KAZN: variants seen among roughly 807,000 people sequenced by gnomAD.
The protein encoded by KAZN is kazrin, periplakin interacting protein.
In KAZN, 40 loss-of-function variants were observed where a neutral mutation model predicts 87.4. That is an observed-to-expected ratio of 0.46 (90% confidence interval 0.36 to 0.60). The LOEUF is 0.60. Ranked by LOEUF, KAZN falls within the 20% of genes least tolerant of loss-of-function variation. KAZN has a pLI of 0.00. For missense variants in KAZN, 898 were observed against 1,073.9 expected, an observed-to-expected ratio of 0.84 and a Z score of 2.29; for synonymous variants, 466 against 458.3, an observed-to-expected ratio of 1.02 and a Z score of -0.22.
intron 2 of KAZN, among the ~76,000 whole-genome samples, chr1:14,417,969 C>A (rs772459293): frequency 1.7e-5 from 2 of 119,130 alleles, no homozygotes; most frequent in Non-Finnish European, 3.2e-5. Flanking sequence ...GCACTCCAGG[C>A]TGGGCGACAG....
At chr1:14,681,134 T>A (rs1348703599) in intron 1 of KAZN, among the ~76,000 whole-genome samples, 1 of 152,144 alleles carries the variant, frequency 6.6e-6, no homozygotes. Flanking sequence ...TCCTGAGGGA[T>A]CCGCCCCCAT....
At chr1:14,527,498 G>C (rs573525716) in intron 2 of KAZN, among the ~76,000 whole-genome samples, 1 of 148,348 alleles carries the variant, frequency 6.7e-6, no homozygotes, top group East Asian at 2.0e-4. Flanking sequence ...GCAGTGAGCT[G>C]AGACCATGCC....
chr1:13,988,971 A>C (rs76611695), intron 1 of KAZN, among the ~76,000 whole-genome samples: 2,802 of 152,258 alleles, frequency 0.018, 49 homozygotes, highest in South Asian at 0.067. Flanking sequence ...AATTTACAAA[A>C]AACAGAAATC....
chr1:15,025,778 G>A (rs780910554), intron 2 of KAZN, among the ~76,000 whole-genome samples: 8 of 152,156 alleles, frequency 5.3e-5, no homozygotes, highest in South Asian at 2.1e-4. Flanking sequence ...TTGGCTGCGC[G>A]AGCCGGTCAA....
At chr1:14,166,631 AAG>A (rs1645832865) in intron 1 of KAZN, among the ~76,000 whole-genome samples, 1 of 152,206 alleles carries the variant, frequency 6.6e-6, no homozygotes, top group Non-Finnish European at 1.5e-5. Flanking sequence ...GAGTAAATAA[AAG>A]TTATTGGTAT....
chr1:14,070,886 C>T (rs577075352), intron 1 of KAZN, among the ~76,000 whole-genome samples: 4 of 152,192 alleles, frequency 2.6e-5, no homozygotes, highest in South Asian at 4.2e-4. Context: ...ATACTCAAAT[C>T]GAGGTATCGT....
rs569605315 is a variant in KAZN, at chr1:14,942,636, C to A, written c.227-18048C>A. On this transcript the variant is annotated intron_variant, in intron 1 of 14. Coordinates refer to ENST00000376030, the MANE Select transcript of KAZN (RefSeq NM_201628.3). Reference sequence around the variant, plus strand: ...AAAAACATGTTTTGGCATGAAAGCACCTCTGGCCAGGAGACTGTAGTCCTA... The same window carrying A: ...AAAAACATGTTTTGGCATGAAAGCAACTCTGGCCAGGAGACTGTAGTCCTA... 1.1e-4 allele frequency among the ~76,000 whole-genome samples: 16 copies of A among 152,322 alleles called. No homozygotes were observed. In the South Asian group the frequency reaches 2.5e-3, roughly 24 times the overall value.
rs147681945 is a variant in KAZN, at chr1:14,115,494, TTGC to T, written c.92-64936_92-64934del. ...CTTTCCCTGCACAAGCTTCTTCTCTTTGCTGCTATGTGAGATGTGCCTTTTACC... is the reference window on the plus strand; with the variant it reads ...CTTTCCCTGCACAAGCTTCTTCTCTTTGCTATGTGAGATGTGCCTTTTACC... On this transcript the variant is annotated intron_variant, in intron 1 of 16. Coordinates refer to the KAZN transcript ENST00000636203. 2.2e-3 allele frequency among the ~76,000 whole-genome samples: 338 copies of T among 152,362 alleles called. 1 individual carries two copies. Among genetic ancestry groups the T allele is most frequent in the Non-Finnish European group, 3.6e-3 (244 of 68,036 alleles).
intron 1 of KAZN, among the ~76,000 whole-genome samples, chr1:14,606,290 A>G (rs1175539579): frequency 5.3e-5 from 8 of 152,222 alleles, no homozygotes; most frequent in African/African-American, 1.4e-4. Flanking sequence ...AGGGAGCTGT[A>G]GCCTTGTCTC....
intron 4 of KAZN, among the ~76,000 whole-genome samples, chr1:15,046,386 G>A (rs181427728): frequency 4.9e-4 from 75 of 152,064 alleles, no homozygotes; most frequent in Admixed American, 1.3e-3. Context: ...CTTCATCCTC[G>A]TTGTCTTCAC....
At chr1:14,778,265 G>C (rs995889796) in intron 1 of KAZN, among the ~76,000 whole-genome samples, 1 of 152,124 alleles carries the variant, frequency 6.6e-6, no homozygotes, top group Non-Finnish European at 1.5e-5. Context: ...CCATAAACCA[G>C]CCAGAAACAT....
intron 1 of KAZN, among the ~76,000 whole-genome samples, chr1:14,938,977 T>C (rs1402674934): frequency 2.6e-5 from 4 of 152,226 alleles, no homozygotes; most frequent in African/African-American, 9.6e-5. Context: ...TGTTTGATTT[T>C]GTTTTTGTTT....
At chr1:14,897,634 A>T (rs77520869) in intron 1 of KAZN, among the ~76,000 whole-genome samples, 2 of 149,378 alleles carry the variant, frequency 1.3e-5, no homozygotes, top group Non-Finnish European at 3.0e-5. Context: ...CAAAAAAAAA[A>T]TAGTGAAAAG....
chr1:14,022,059 G>A (rs12135527), intron 1 of KAZN, among the ~76,000 whole-genome samples: 2,914 of 145,346 alleles, frequency 0.02, 46 homozygotes, highest in South Asian at 0.057. Flanking sequence ...TACCCATGCC[G>A]TCCCGGGTAA....
chr1:14,387,083 C>G (rs925005943), intron 2 of KAZN, among the ~76,000 whole-genome samples: 1 of 152,046 alleles, frequency 6.6e-6, no homozygotes, highest in Non-Finnish European at 1.5e-5. Context: ...TCGCTGATAC[C>G]CTTTCTTCCA....
intron 6 of KAZN, 139 bp from the exon 7 acceptor site, chr1:15,063,433 G>A: frequency 1.4e-6 from 1 of 716,918 alleles, no homozygotes; most frequent in Admixed American, 2.0e-5. Context: ...GATGGGGGGT[G>A]GGCTCCCCAC....
intron 1 of KAZN, among the ~76,000 whole-genome samples, chr1:14,631,543 C>T (rs1290391327): frequency 6.6e-6 from 1 of 152,138 alleles, no homozygotes; most frequent in African/African-American, 2.4e-5. Context: ...CCCGATCCTG[C>T]TACCTCTCAC....
rs568603016 is a variant in KAZN at position 14,752,854 on chromosome 1, CAAAA to C, written c.226+153632_226+153635del. On this transcript the variant is annotated intron_variant, in intron 1 of 14. Coordinates refer to ENST00000376030, the MANE Select transcript of KAZN (RefSeq NM_201628.3). ...CACACCACTGTCTGTTCAAATCTAA[CAAAA>C]CAAACACCAGCTACCATTGGAGACA... Among the ~76,000 whole-genome samples the C allele has an allele frequency of 2.3e-4, 35 of 152,296 alleles. No individual in the cohort carries two copies. The East Asian group carries it at 6.6e-3, about 29-fold the overall frequency.
At chr1:14,425,590 C>T (rs1046495978) in intron 2 of KAZN, among the ~76,000 whole-genome samples, 1 of 152,170 alleles carries the variant, frequency 6.6e-6, no homozygotes, top group African/African-American at 2.4e-5. Flanking sequence ...GGACTTGAAT[C>T]CCGGTCTCAC....
Sources: allele counts gnomAD v4.1 joint callset (sites outside exome capture counted in the v4.1 genomes callset), GRCh38; gene constraint gnomAD v4.1.1; transcripts MANE v1.5; gene names NCBI Gene and HGNC (gene_info 2026-07-23, HGNC 2026-07-21).